ZBTB20: variants seen among roughly 807,000 people sequenced by gnomAD.
ZBTB20 encodes zinc finger and BTB domain containing 20, also known as zinc finger and BTB domain-containing protein 20.
A neutral mutation model predicts 56.9 loss-of-function variants in ZBTB20; 9 were observed. The ratio of observed to expected loss-of-function variants is 0.16; its 90% CI spans 0.10 to 0.28. ZBTB20 has a LOEUF of 0.28. Ranked by LOEUF, ZBTB20 falls within the 10% of genes least tolerant of loss-of-function variation. The pLI is 1.00. For missense variants in ZBTB20, 655 were observed against 1,003.0 expected (o/e 0.65, Z 4.69); for synonymous variants, 417 against 420.7 (o/e 0.99, Z 0.11).
chr3:114,802,126 T>G (rs1310272339), intron 4 of ZBTB20, among the ~76,000 whole-genome samples: 1 of 151,794 alleles, frequency 6.6e-6, no homozygotes, highest in African/African-American at 2.4e-5. Context: ...TTTAGAAAAA[T>G]TTAGTTTTTA....
At chr3:114,590,271 C>G (rs2055610994) in intron 6 of ZBTB20, among the ~76,000 whole-genome samples, 1 of 151,982 alleles carries the variant, frequency 6.6e-6, no homozygotes, top group South Asian at 2.1e-4. Flanking sequence ...GAACGGCCAA[C>G]ATGGTGAAAC....
intron 6 of ZBTB20, among the ~76,000 whole-genome samples, chr3:114,652,684 TA>T (rs1331515716): frequency 6.6e-6 from 1 of 152,148 alleles, no homozygotes; most frequent in Admixed American, 6.5e-5. Flanking sequence ...ATATACATTT[TA>T]AAATAAATTT....
At chr3:115,021,136 A>C (rs2080186963) in intron 2 of ZBTB20, among the ~76,000 whole-genome samples, 1 of 150,898 alleles carries the variant, frequency 6.6e-6, no homozygotes, top group Non-Finnish European at 1.5e-5. Flanking sequence ...GTCTTTCCTC[A>C]TATTTTTGGA....
At chr3:114,614,549 G>C (rs1274462728) in intron 6 of ZBTB20, among the ~76,000 whole-genome samples, 2 of 152,124 alleles carry the variant, frequency 1.3e-5, no homozygotes, top group Non-Finnish European at 2.9e-5. Flanking sequence ...CATTATTACT[G>C]AGATTTTTCA....
intron 6 of ZBTB20, among the ~76,000 whole-genome samples, chr3:114,641,051 C>A (rs537484554): frequency 8.7e-4 from 133 of 152,082 alleles, no homozygotes; most frequent in African/African-American, 3.1e-3. Context: ...TTATTATTAA[C>A]CCTTTCTAAA....
intron 5 of ZBTB20, among the ~76,000 whole-genome samples, chr3:114,744,397 CATT>C (rs1322565994): frequency 6.6e-6 from 1 of 152,154 alleles, no homozygotes; most frequent in Non-Finnish European, 1.5e-5. Flanking sequence ...ACTTCTGTAA[CATT>C]ATTTGGATAC....
intron 7 of ZBTB20, among the ~76,000 whole-genome samples, chr3:114,498,645 T>C (rs76137469): frequency 6.6e-6 from 1 of 152,154 alleles, no homozygotes; most frequent in Non-Finnish European, 1.5e-5. Context: ...CACAAGGTCA[T>C]GGGTATATGA....
chr3:115,126,813 G>C (rs1325106402), intron 1 of ZBTB20, among the ~76,000 whole-genome samples: 1 of 152,150 alleles, frequency 6.6e-6, no homozygotes, highest in Non-Finnish European at 1.5e-5. Flanking sequence ...TGTGAGTTTT[G>C]ATGTTCTAAT....
chr3:114,926,435 A>G (rs571660538), intron 3 of ZBTB20, among the ~76,000 whole-genome samples: 22 of 152,220 alleles, frequency 1.4e-4, no homozygotes, highest in African/African-American at 5.1e-4. Context: ...GTTTTTTTGG[A>G]AGTTTATTTC....
intron 6 of ZBTB20, among the ~76,000 whole-genome samples, chr3:114,571,116 A>G (rs1263526522): frequency 6.6e-6 from 1 of 152,216 alleles, no homozygotes; most frequent in Non-Finnish European, 1.5e-5. Flanking sequence ...AATGATGTCA[A>G]AATCAAATCT....
intron 5 of ZBTB20, among the ~76,000 whole-genome samples, chr3:114,783,808 AT>A (rs1271557856): frequency 6.7e-6 from 1 of 149,958 alleles, no homozygotes; most frequent in African/African-American, 2.5e-5. Context: ...AAAAAAAAAA[AT>A]ACATCCTCAG....
intron 1 of ZBTB20, among the ~76,000 whole-genome samples, chr3:115,111,260 GA>G (rs1232960826): frequency 1.3e-5 from 2 of 151,888 alleles, no homozygotes; most frequent in Non-Finnish European, 2.9e-5. Flanking sequence ...CACCAGTTGA[GA>G]AAATTTTATT....
intron 2 of ZBTB20, among the ~76,000 whole-genome samples, chr3:114,999,674 T>A (rs916055026): frequency 1.3e-5 from 2 of 151,652 alleles, no homozygotes; most frequent in Non-Finnish European, 3.0e-5. Context: ...AGGAAAAATA[T>A]AGTTGAATGA....
chr3:114,790,552 T>C (rs1265110436), intron 5 of ZBTB20, among the ~76,000 whole-genome samples: 1 of 152,208 alleles, frequency 6.6e-6, no homozygotes, highest in East Asian at 1.9e-4. Flanking sequence ...GTCCATATCA[T>C]ATGATATGCA....
chr3:115,001,328 G>C (rs1464388886), intron 2 of ZBTB20, among the ~76,000 whole-genome samples: 1 of 151,382 alleles, frequency 6.6e-6, no homozygotes, highest in East Asian at 1.9e-4. Flanking sequence ...ACATGAATTA[G>C]ACTTATAAGA....
chr3:114,712,468 C>G (rs1034006224), intron 5 of ZBTB20, among the ~76,000 whole-genome samples: 14 of 151,798 alleles, frequency 9.2e-5, no homozygotes, highest in Non-Finnish European at 1.8e-4. Context: ...CTGACCAACA[C>G]AGAGAAACCT....
At chr3:114,378,267 C>T (rs901983454) in intron 10 of ZBTB20, among the ~76,000 whole-genome samples, 7 of 152,154 alleles carry the variant, frequency 4.6e-5, no homozygotes, top group Non-Finnish European at 1.5e-5. Context: ...GGACAAACTA[C>T]AATCCAAATA....
chr3:114,615,766 A>C (rs2057894182), intron 6 of ZBTB20, among the ~76,000 whole-genome samples: 1 of 152,208 alleles, frequency 6.6e-6, no homozygotes, highest in Admixed American at 6.5e-5. Flanking sequence ...CAAAGATAGA[A>C]ACATAAAGCA....
chr3:114,619,835 C>T (rs779830792), intron 6 of ZBTB20, among the ~76,000 whole-genome samples: 1 of 152,146 alleles, frequency 6.6e-6, no homozygotes, highest in Non-Finnish European at 1.5e-5. Context: ...AGTCTTCTTG[C>T]CCCTGCTCTT....
Sources: allele counts gnomAD v4.1 joint callset (sites outside exome capture counted in the v4.1 genomes callset), GRCh38; gene constraint gnomAD v4.1.1; transcripts MANE v1.5; gene names NCBI Gene and HGNC (gene_info 2026-07-23, HGNC 2026-07-21).